The following KLF2 variants were observed in gnomAD, a reference collection of about 807,000 sequenced individuals.
The protein encoded by KLF2 is KLF transcription factor 2, also known as Krueppel-like factor 2.
A neutral mutation model predicts 22.2 loss-of-function variants in KLF2; 9 were observed. The observed-to-expected ratio is 0.40, with a 90% CI of 0.24 to 0.71. The LOEUF (loss-of-function observed/expected upper bound fraction) is 0.71, where lower values mean the gene tolerates loss of function less well. KLF2 is among the 30% of genes least tolerant of loss of function. The pLI, the probability that KLF2 is intolerant of heterozygous loss-of-function variation, is 0.35. For synonymous variants in KLF2, 299 were observed against 264.2 expected (o/e 1.13, Z -1.28); for missense variants, 481 against 542.1 (o/e 0.89, Z 1.12).
In KLF2 at chr19:16,326,891, G is replaced by T. The variant is rs747983105; in HGVS notation, c.928G>T (p.Gly310Cys). 4 of 1,612,866 alleles carry T rather than the reference G, an allele frequency of 2.5e-6. No homozygotes were observed. Among genetic ancestry groups the T allele is most frequent in the Non-Finnish European group, 3.4e-6 (4 of 1,179,888 alleles). The change falls in exon 3 of 3, where the codon GGC (glycine) becomes TGC (cysteine). Residue 310 changes from glycine to cysteine, a missense_variant. Gly to Cys is a radical substitution (Grantham distance 159). Transcript: ENST00000248071. The stretch of plus-strand genomic sequence containing the variant: ...CTACCACTGCAACTGGGACGGCTGC[G>T]GCTGGAAGTTTGCGCGCTCAGACGA... The part of the protein sequence containing the change: ...KPYHCNWDGC[G>C]WKFARSDELT...
At chr19:16,326,784 G>A (rs189201609) in intron 2 of KLF2, 72 bp from the exon 3 acceptor site, 2 of 1,490,544 alleles carry the variant, frequency 1.3e-6, no homozygotes, top group Non-Finnish European at 1.8e-6. Flanking sequence ...GATAGGTTGC[G>A]CTCGCCGGGG....
At chr19:16,326,109 A>G in intron 2 of KLF2, 77 bp downstream of exon 2, 1 of 1,411,568 alleles carries the variant, frequency 7.1e-7, no homozygotes, top group Non-Finnish European at 9.5e-7. Flanking sequence ...GCGCGCCAGA[A>G]AATGAATTTA....
At position 16,328,175 on chromosome 19, in the gene KLF2, C is replaced by T. The variant is rs1364933732; in HGVS notation, c.*1144C>T. On this transcript the variant is annotated 3_prime_UTR_variant, in exon 3 of 3. Coordinates refer to ENST00000248071, the MANE Select transcript of KLF2 (RefSeq NM_016270.4). ...TGTCTGCCTCCAAGGGTCCCTGAAC[C>T]CCACTGGAAGGGAGTGGTAGCTTTC... Among the ~76,000 whole-genome samples the T allele has an allele frequency of 1.3e-5, 2 of 152,028 alleles. No homozygotes were observed. The highest frequency in any genetic ancestry group is 2.9e-5 in the Non-Finnish European group (2 of 68,004).
Position 16,326,963 on chromosome 19 carries a change from T to G in KLF2, c.1000T>G (p.Cys334Gly). The change falls in exon 3 of 3, where the codon TGC becomes GGC. Residue 334 changes from cysteine (C) to glycine (G), a missense_variant. By Grantham distance (159) the Cys-to-Gly change is radical. Transcript: ENST00000248071. The part of the protein sequence containing the change: ...RKHTGHRPFQ[C>G]HLCDRAFSRS... ...GCACACGGGCCACCGGCCATTCCAG[T>G]GCCATCTGTGCGATCGTGCCTTCTC... 6.2e-7 allele frequency: 1 copy of G among 1,613,534 alleles called. No homozygotes were observed. The highest frequency in any genetic ancestry group is 8.5e-7 in the Non-Finnish European group (1 of 1,179,934).
rs1042225888 is a variant in KLF2, at chr19:16,328,146, GCT to G, written c.*1118_*1119del. ...GGTGGTGGAGTTGGGTTGTTAGCCT[GCT>G]CTGTCTGCCTCCAAGGGTCCCTGAA... On this transcript the variant is annotated 3_prime_UTR_variant, in exon 3 of 3. Transcript: ENST00000248071. Among the ~76,000 whole-genome samples the G allele has an allele frequency of 6.6e-6, 1 of 152,098 alleles. No individual in the cohort carries two copies. Among genetic ancestry groups the G allele is most frequent in the African/African-American group, 2.4e-5 (1 of 41,432 alleles).
At position 16,328,377 on chromosome 19, in the gene KLF2, A is replaced by G. The variant is rs1465470452; in HGVS notation, c.*1346A>G. 6.6e-6 allele frequency among the ~76,000 whole-genome samples: 1 copy of G among 152,070 alleles called. No homozygotes were observed. Among genetic ancestry groups the G allele is most frequent in the Non-Finnish European group, 1.5e-5 (1 of 68,008 alleles). On this transcript the variant is annotated 3_prime_UTR_variant, in exon 3 of 3. Transcript: ENST00000248071. ...CCCCAAGTGTCTCAGGCAAGGAGGT[A>G]TCTCTCCCCCCAGATTTCACCTGCC...
In KLF2 at chr19:16,327,062, C is replaced by G. The variant is rs781589332; in HGVS notation, c.*31C>G. 2.6e-6 allele frequency: 4 copies of G among 1,523,324 alleles called. No homozygotes were observed. Among genetic ancestry groups the G allele is most frequent in the African/African-American group, 1.4e-5 (1 of 72,508 alleles). The allele number at this position is 1,523,324 out of a possible 1,614,324, so 94.4% of individuals were successfully genotyped here. A position where few individuals can be genotyped will look rare whatever the true frequency, so the allele number is the denominator to read the frequency against. On this transcript the variant is annotated 3_prime_UTR_variant, in exon 3 of 3. Transcript: ENST00000248071. Reference sequence around the variant, plus strand: ...ACGCCCCCGCCCACCTGCGCGCGGCCGTGGCGGGTCCCACGCGCCGGGCGC... The same window carrying G: ...ACGCCCCCGCCCACCTGCGCGCGGCGGTGGCGGGTCCCACGCGCCGGGCGC...
At position 16,325,564 on chromosome 19, in the gene KLF2, C is replaced by T; in HGVS notation, c.424C>T (p.Arg142Cys). ...GGYGCAPGLTRGPRGLKREGA... is the reference protein window; with the variant it reads ...GGYGCAPGLTCGPRGLKREGA... ...CTACGGCTGCGCCCCCGGGCTGACC[C>T]GTGGACCGCGCGGCCTCAAGCGCGA... The change falls in exon 2 of 3, where the codon CGT (arginine) becomes TGT (cysteine). Residue 142 changes from arginine (R) to cysteine (C), a missense_variant. This residue lies in a region of KLF2 where 421 missense variants were observed against 435.1 expected (regional missense o/e 0.97). Coordinates refer to ENST00000248071, the MANE Select transcript of KLF2 (RefSeq NM_016270.4). 2 of 1,173,184 alleles carry T rather than the reference C, an allele frequency of 1.7e-6. No homozygotes were observed. The highest frequency in any genetic ancestry group is 2.1e-6 in the Non-Finnish European group (2 of 951,142). 72.7% of individuals were successfully genotyped at this position (1,173,184 alleles called of 1,614,324 possible). A position where few individuals can be genotyped will look rare whatever the true frequency, so the allele number is the denominator to read the frequency against.
In KLF2 at chr19:16,325,574, G is replaced by C. The variant is rs45586032; in HGVS notation, c.434G>C (p.Arg145Pro). ...GCAPGLTRGP[R>P]GLKREGAPGP... is the part of the protein sequence containing the mutation. ...GCCCCCGGGCTGACCCGTGGACCGC[G>C]CGGCCTCAAGCGCGAGGGCGCCCCG... Residue 145 changes from arginine (R) to proline (P), a missense_variant, in exon 2 of 3, where the codon CGC (arginine) becomes CCC (proline). This residue lies in a region of KLF2 where 421 missense variants were observed against 435.1 expected (regional missense o/e 0.97). Coordinates refer to ENST00000248071, the MANE Select transcript of KLF2 (RefSeq NM_016270.4). 230 of 1,161,718 alleles carry C rather than the reference G, an allele frequency of 2.0e-4. 1 individual carries two copies. The African/African-American group carries it at 3.2e-3, about 16-fold the overall frequency. The allele number at this position is 1,161,718 out of a possible 1,614,324, so 72.0% of individuals were successfully genotyped here.
chr19:16,325,732 G>A lies in KLF2; in HGVS notation c.592G>A (p.Gly198Ser). 8.3e-6 allele frequency: 10 copies of A among 1,207,682 alleles called. No homozygotes were observed. Among genetic ancestry groups the A allele is most frequent in the Non-Finnish European group, 1.0e-5 (10 of 975,720 alleles). The allele number at this position is 1,207,682 out of a possible 1,614,324, so 74.8% of individuals were successfully genotyped here. Reference protein sequence around the residue: ...GPRASFPPPFGGPGFGAPGPG... With the variant: ...GPRASFPPPFSGPGFGAPGPG... Reference sequence around the variant, plus strand: ...GCGCGCCTCCTTCCCGCCGCCTTTCGGTGGCCCTGGTTTCGGCGCGCCCGG... The same window carrying A: ...GCGCGCCTCCTTCCCGCCGCCTTTCAGTGGCCCTGGTTTCGGCGCGCCCGG... The change falls in exon 2 of 3, where the codon GGT becomes AGT. Residue 198 changes from glycine (G) to serine (S), a missense_variant. By Grantham distance (56) the Gly-to-Ser change is moderately conservative (BLOSUM62 0). Coordinates refer to ENST00000248071, the MANE Select transcript of KLF2 (RefSeq NM_016270.4).
At position 16,325,838 on chromosome 19, in the gene KLF2, G is replaced by C. The variant is rs949560023; in HGVS notation, c.698G>C (p.Gly233Ala). ...DDAAAAAAAL[G>A]LAPPAARGLL... is the part of the protein sequence containing the mutation. ...GCGGCCGCCGCCGCGGCAGCCCTGG[G>C]CCTGGCGCCCCCCGCCGCCCGCGGT... Residue 233 changes from glycine (G) to alanine (A), a missense_variant, in exon 2 of 3, where the codon GGC (glycine) becomes GCC (alanine). Around this residue, in one of 2 missense-constraint regions of KLF2, gnomAD observed 421 missense variants for 435.1 expected, o/e 0.97. Coordinates refer to ENST00000248071, the MANE Select transcript of KLF2 (RefSeq NM_016270.4). The C allele has an allele frequency of 7.1e-7, 1 of 1,413,226 alleles. No homozygotes were observed. The highest frequency in any genetic ancestry group is 1.5e-5 in the African/African-American group (1 of 66,186). The allele number at this position is 1,413,226 out of a possible 1,614,324, so 87.5% of individuals were successfully genotyped here.
chr19:16,325,806 C>T lies in KLF2; in HGVS notation c.666C>T (p.Phe222=), dbSNP rs752969833. ...CTGCGCCCCCAGCCTTCGGTCTCTT[C>T]GACGACGCGGCCGCCGCCGCGGCAG... ...APPAPPAFGL[F]DDAAAAAAAL... The change falls in exon 2 of 3, where the codon TTC becomes TTT. Residue 222 remains phenylalanine, a synonymous_variant. Coordinates refer to ENST00000248071, the MANE Select transcript of KLF2 (RefSeq NM_016270.4). The T allele has an allele frequency of 1.5e-5, 20 of 1,348,940 alleles. No homozygotes were observed. In the South Asian group the frequency reaches 3.3e-4, roughly 22 times the overall value. The allele number at this position is 1,348,940 out of a possible 1,614,324, so 83.6% of individuals were successfully genotyped here.
rs1201984092 is a variant in KLF2, at chr19:16,327,759, G to A, written c.*728G>A. ...TAGGACTGAGGGAGGGTTATTTTAA[G>A]GTTGTTCTTTGAGCCATAAATTGCC... On this transcript the variant is annotated 3_prime_UTR_variant, in exon 3 of 3. Coordinates refer to ENST00000248071, the MANE Select transcript of KLF2 (RefSeq NM_016270.4). The A allele has an allele frequency of 1.3e-5, 2 of 151,960 alleles. No individual in the cohort carries two copies. The highest frequency in any genetic ancestry group is 4.8e-5 in the African/African-American group (2 of 41,348). 9.4% of individuals were successfully genotyped at this position (151,960 alleles called of 1,614,324 possible). A position where few individuals can be genotyped will look rare whatever the true frequency, so the allele number is the denominator to read the frequency against.
At position 16,324,834 on chromosome 19, in the gene KLF2, GT is replaced by G. The variant is rs1472434855; in HGVS notation, c.-89del. On this transcript the variant is annotated 5_prime_UTR_variant, in exon 1 of 3. Coordinates refer to ENST00000248071, the MANE Select transcript of KLF2 (RefSeq NM_016270.4). ...GGGCCCGGCCGCGGCCCACAGAGCC[GT>G]CCCCGCCCGCCCGCGCCCCGACCAG... 8.7e-7 allele frequency: 1 copy of G among 1,153,888 alleles called. No individual in the cohort carries two copies. The highest frequency in any genetic ancestry group is 3.2e-5 in the East Asian group (1 of 30,956). 71.5% of individuals were successfully genotyped at this position (1,153,888 alleles called of 1,614,324 possible). A position where few individuals can be genotyped will look rare whatever the true frequency, so the allele number is the denominator to read the frequency against.
rs1262538002 is a variant in KLF2 at position 16,325,244 on chromosome 19, G to A, written c.104G>A (p.Gly35Asp). 7 of 1,538,836 alleles carry A rather than the reference G, an allele frequency of 4.5e-6. No individual in the cohort carries two copies. Among genetic ancestry groups the A allele is most frequent in the Non-Finnish European group, 6.1e-6 (7 of 1,147,622 alleles). The change falls in exon 2 of 3, where the codon GGC becomes GAC. Residue 35 changes from glycine to aspartate, a missense_variant. Physicochemically the swap from Gly to Asp is moderately conservative, Grantham distance 94. Around this residue, in one of 2 missense-constraint regions of KLF2, gnomAD observed 421 missense variants for 435.1 expected, o/e 0.97. Transcript: ENST00000248071. Reference sequence around the variant, plus strand: ...TGGCCGCGCGCCGAACCCGAGTCCGGCGGCACCGACGACGACCTCAACAGC... The same window carrying A: ...TGGCCGCGCGCCGAACCCGAGTCCGACGGCACCGACGACGACCTCAACAGC... ...ERWPRAEPES[G>D]GTDDDLNSVL...
At position 16,325,593 on chromosome 19, in the gene KLF2, C is replaced by A; in HGVS notation, c.453C>A (p.Gly151=). ...TRGPRGLKRE[G]APGPAASCMR... ...GACCGCGCGGCCTCAAGCGCGAGGGCGCCCCGGGCCCGGCGGCTTCGTGCA... is the reference window on the plus strand; with the variant it reads ...GACCGCGCGGCCTCAAGCGCGAGGGAGCCCCGGGCCCGGCGGCTTCGTGCA... The change falls in exon 2 of 3, where the codon GGC becomes GGA. Residue 151 remains glycine, a synonymous_variant. Transcript: ENST00000248071. 1 of 1,135,390 alleles carries A rather than the reference C, an allele frequency of 8.8e-7. No homozygotes were observed. The highest frequency in any genetic ancestry group is 1.1e-6 in the Non-Finnish European group (1 of 927,436). 70.3% of individuals were successfully genotyped at this position (1,135,390 alleles called of 1,614,324 possible). A position where few individuals can be genotyped will look rare whatever the true frequency, so the allele number is the denominator to read the frequency against.
chr19:16,326,066 G>T, intron 2 of KLF2, 34 bp downstream of exon 2: 1 of 1,523,842 alleles, frequency 6.6e-7, no homozygotes, highest in Non-Finnish European at 8.8e-7. Context: ...AGCGCAGGCG[G>T]GGGGACGCGG....
At chr19:16,326,306 G>A (rs2091890112) in intron 2 of KLF2, among the ~76,000 whole-genome samples, 1 of 151,462 alleles carries the variant, frequency 6.6e-6, no homozygotes, top group Admixed American at 6.6e-5. Context: ...AGGTTGGGAA[G>A]AGCACTTAGA....
intron 1 of KLF2, 54 bp from the exon 2 acceptor site, chr19:16,325,162 C>T (rs2091884281): frequency 1.4e-6 from 2 of 1,386,716 alleles, no homozygotes; most frequent in Non-Finnish European, 9.6e-7. Flanking sequence ...AAAAGGCAAG[C>T]AGCGCCCCCC....
Sources: gnomAD v4.1 joint callset for allele counts (sites outside exome capture counted in the v4.1 genomes callset) on GRCh38, gnomAD v4.1.1 for gene constraint, gnomAD v4.1.1 regional missense constraint, MANE v1.5 for transcripts, NCBI Gene and HGNC (gene_info 2026-07-23, HGNC 2026-07-21) for gene names.